AUTS2: variants seen among roughly 807,000 people sequenced by gnomAD.
The protein encoded by AUTS2 is autism susceptibility gene 2 protein.
AUTS2 carries 17 observed loss-of-function variants against 112.4 expected under a neutral mutation model. The ratio of observed to expected loss-of-function variants is 0.15; its 90% CI spans 0.10 to 0.23. The LOEUF (loss-of-function observed/expected upper bound fraction) is 0.23, where lower values mean the gene tolerates loss of function less well. Among genes scored for constraint, AUTS2 ranks in the 10% least tolerant of loss-of-function variants. The probability of loss-of-function intolerance (pLI) is 1.00; values close to 1 mark genes in which losing one functional copy is unlikely to be tolerated. For missense variants in AUTS2, 1,510 were observed against 1,701.6 expected (o/e 0.89, Z 1.98); for synonymous variants, 751 against 702.7 (o/e 1.07, Z -1.09).
intron 5 of AUTS2, among the ~76,000 whole-genome samples, chr7:70,478,001 G>A (rs989339488): frequency 6.6e-6 from 1 of 152,192 alleles, no homozygotes; most frequent in Non-Finnish European, 1.5e-5. Flanking sequence ...GGCACCAAGA[G>A]TCCCATGGGA....
chr7:69,859,478 C>CG (rs543650373), intron 1 of AUTS2, among the ~76,000 whole-genome samples: 3 of 152,156 alleles, frequency 2.0e-5, no homozygotes, highest in Non-Finnish European at 4.4e-5. Flanking sequence ...CTGTTAGTAA[C>CG]GGGCAGAAGT....
chr7:70,185,575 A>C (rs1809557861), intron 4 of AUTS2, among the ~76,000 whole-genome samples: 1 of 152,216 alleles, frequency 6.6e-6, no homozygotes, highest in Admixed American at 6.5e-5. Context: ...CTTGTGAAGA[A>C]AGAAGAGCTA....
At chr7:70,730,349 A>G (rs941179225) in intron 6 of AUTS2, among the ~76,000 whole-genome samples, 2 of 152,098 alleles carry the variant, frequency 1.3e-5, no homozygotes, top group African/African-American at 4.8e-5. Flanking sequence ...AGCTATCACT[A>G]CAATTAATTT....
At chr7:70,579,260 A>AAAAAAAAAAG (rs1802324180) in intron 5 of AUTS2, among the ~76,000 whole-genome samples, 2 of 149,724 alleles carry the variant, frequency 1.3e-5, no homozygotes, top group African/African-American at 4.9e-5. Flanking sequence ...AAAAAAAAAA[A>AAAAAAAAAAG]AAGATGAAGG....
chr7:69,940,762 A>T (rs1343790159), intron 2 of AUTS2, among the ~76,000 whole-genome samples: 1 of 152,204 alleles, frequency 6.6e-6, no homozygotes, highest in Admixed American at 6.5e-5. Flanking sequence ...CAGGTGAAGG[A>T]GGATGGCAGC....
At position 69,632,779 on chromosome 7, in the gene AUTS2, A is replaced by G. The variant is rs117850757; in HGVS notation, c.309+32817A>G. Among the ~76,000 whole-genome samples, 1,250 of 152,200 alleles carry G rather than the reference A, an allele frequency of 8.2e-3. 26 individuals are homozygous for G. Among genetic ancestry groups the G allele is most frequent in the South Asian group, 0.058 (281 of 4,826 alleles). ...AAGAATTTTATGGTAGAGCCACAACACTAAGTTTTCATTTGGAAAATGTTA... is the reference window on the plus strand; with the variant it reads ...AAGAATTTTATGGTAGAGCCACAACGCTAAGTTTTCATTTGGAAAATGTTA... On this transcript the variant is annotated intron_variant, in intron 1 of 18. Transcript: ENST00000342771.
chr7:70,684,650 T>G (rs1808379590), intron 5 of AUTS2, among the ~76,000 whole-genome samples: 1 of 150,700 alleles, frequency 6.6e-6, no homozygotes, highest in South Asian at 2.1e-4. Flanking sequence ...TGGGGTGGTG[T>G]GGCGTGGCGT....
At chr7:69,943,701 C>T (rs1370043741) in intron 2 of AUTS2, among the ~76,000 whole-genome samples, 1 of 151,788 alleles carries the variant, frequency 6.6e-6, no homozygotes, top group Non-Finnish European at 1.5e-5. Flanking sequence ...TTTCCATTTA[C>T]TAAGAAAAAA....
At chr7:70,497,682 T>C (rs1798609666) in intron 5 of AUTS2, among the ~76,000 whole-genome samples, 1 of 152,172 alleles carries the variant, frequency 6.6e-6, no homozygotes, top group South Asian at 2.1e-4. Context: ...GACAGAAGTT[T>C]GCGTTACCTG....
intron 1 of AUTS2, among the ~76,000 whole-genome samples, chr7:69,795,730 A>G (rs575185780): frequency 6.6e-6 from 1 of 152,178 alleles, no homozygotes; most frequent in Non-Finnish European, 1.5e-5. Flanking sequence ...TTAATTAGTA[A>G]TCAGAAATAT....
chr7:70,304,940 C>A (rs1474672306), intron 4 of AUTS2, among the ~76,000 whole-genome samples: 1 of 151,926 alleles, frequency 6.6e-6, no homozygotes, highest in Non-Finnish European at 1.5e-5. Context: ...TCAAGAAAAA[C>A]ATTTAAATTG....
chr7:69,754,248 A>G (rs775775660), intron 1 of AUTS2, among the ~76,000 whole-genome samples: 2 of 152,178 alleles, frequency 1.3e-5, no homozygotes, highest in Admixed American at 1.3e-4. Flanking sequence ...GGGTGGGGAC[A>G]ACATATGTTA....
At chr7:69,908,527 TG>T (rs1416956968) in intron 2 of AUTS2, among the ~76,000 whole-genome samples, 1 of 152,192 alleles carries the variant, frequency 6.6e-6, no homozygotes, top group African/African-American at 2.4e-5. Context: ...GCAAGTCCTG[TG>T]GGGGACCACC....
At chr7:69,845,227 ACCTTTTTCCT>A (rs1350614013) in intron 1 of AUTS2, among the ~76,000 whole-genome samples, 1 of 152,192 alleles carries the variant, frequency 6.6e-6, no homozygotes, top group Non-Finnish European at 1.5e-5. Context: ...TCTTCCTGGT[ACCTTTTTCCT>A]CCTTTTTATC....
intron 5 of AUTS2, among the ~76,000 whole-genome samples, chr7:70,590,739 C>G (rs56296920): frequency 0.019 from 2,842 of 152,292 alleles, 87 homozygotes; most frequent in African/African-American, 0.062. Context: ...TAGAAACAGT[C>G]TGAGTTGTCA....
intron 4 of AUTS2, among the ~76,000 whole-genome samples, chr7:70,249,558 C>T (rs1328530588): frequency 6.6e-6 from 1 of 152,136 alleles, no homozygotes; most frequent in Non-Finnish European, 1.5e-5. Context: ...CCCCAAGTGA[C>T]TCCAATGAGA....
chr7:69,962,740 C>T (rs1273034565), intron 2 of AUTS2, among the ~76,000 whole-genome samples: 1 of 151,574 alleles, frequency 6.6e-6, no homozygotes, highest in Non-Finnish European at 1.5e-5. Flanking sequence ...GTGCACAGCT[C>T]GTGCATAAAT....
At chr7:70,041,312 C>T (rs994234713) in intron 2 of AUTS2, among the ~76,000 whole-genome samples, 2 of 151,964 alleles carry the variant, frequency 1.3e-5, no homozygotes, top group African/African-American at 4.8e-5. Context: ...TCTTCTTTAC[C>T]ATGCATTCAA....
intron 4 of AUTS2, among the ~76,000 whole-genome samples, chr7:70,228,734 A>G (rs1237461859): frequency 2.6e-5 from 4 of 151,910 alleles, no homozygotes; most frequent in Admixed American, 1.3e-4. Flanking sequence ...CTATAGATCC[A>G]TGTCACCATC....
Sources: gnomAD v4.1 joint callset for allele counts (sites outside exome capture counted in the v4.1 genomes callset) on GRCh38, gnomAD v4.1.1 for gene constraint, MANE v1.5 for transcripts, NCBI Gene and HGNC (gene_info 2026-07-23, HGNC 2026-07-21) for gene names.